The following FGF13 variants were observed in gnomAD, a reference collection of about 807,000 sequenced individuals.
The protein encoded by FGF13 is fibroblast growth factor 13, also known as fibroblast growth factor homologous factor 2.
A neutral mutation model predicts 19.5 loss-of-function variants in FGF13; 2 were observed. The ratio of observed to expected loss-of-function variants is 0.10; its 90% CI spans 0.04 to 0.32. The LOEUF is 0.32. FGF13 is among the 10% of genes least tolerant of loss of function. The pLI, the probability that FGF13 is intolerant of heterozygous loss-of-function variation, is 1.00. For missense variants in FGF13, 113 were observed against 192.7 expected (o/e 0.59, Z 2.45); for synonymous variants, 72 against 76.9 (o/e 0.94, Z 0.33).
intron 1 of FGF13, among the ~76,000 whole-genome samples, chrX:139,163,235 C>T (rs949337395): frequency 9.0e-6 from 1 of 111,508 alleles, no homozygotes; most frequent in Admixed American, 9.5e-5. Flanking sequence ...AGTTTATGTC[C>T]TTTGCAGGGA....
At chrX:139,172,736 A>G (rs1300565819) in intron 1 of FGF13, among the ~76,000 whole-genome samples, 1 of 111,959 alleles carries the variant, frequency 8.9e-6, no homozygotes, top group Non-Finnish European at 1.9e-5. Flanking sequence ...GTCAGAACAC[A>G]CTGGCAGATA....
rs144081117 is a variant in FGF13 at position 138,625,483 on chromosome X, T to C, written c.*7367A>G. On this transcript the variant is annotated 3_prime_UTR_variant, in exon 5 of 5. Coordinates refer to ENST00000315930, the MANE Select transcript of FGF13 (RefSeq NM_004114.5). ...TTATATATATATACATATATATATA[T>C]AATATATATATATACATATATATAT... The C allele has an allele frequency of 4.3e-3, 386 of 90,012 alleles. 13 individuals are homozygous for C. The East Asian group carries it at 0.082, about 19-fold the overall frequency. The allele number at this position is 90,012 out of a possible 1,213,427, so 7.4% of individuals were successfully genotyped here. A position where few individuals can be genotyped will look rare whatever the true frequency, so the allele number is the denominator to read the frequency against.
intron 3 of FGF13, among the ~76,000 whole-genome samples, chrX:138,811,421 A>G (rs923075512): frequency 9.1e-6 from 1 of 110,084 alleles, no homozygotes; most frequent in Non-Finnish European, 1.9e-5. Context: ...CAGGAAGGGG[A>G]ACATCACAAA....
At chrX:138,708,444 C>T (rs1009922854) in intron 2 of FGF13, among the ~76,000 whole-genome samples, 1 of 111,999 alleles carries the variant, frequency 8.9e-6, no homozygotes, top group Non-Finnish European at 1.9e-5. Flanking sequence ...GAAACCACTC[C>T]TCTCTCTTGG....
intron 1 of FGF13, among the ~76,000 whole-genome samples, chrX:139,059,545 C>T (rs2092330298): frequency 9.0e-6 from 1 of 111,705 alleles, no homozygotes; most frequent in Admixed American, 9.5e-5. Flanking sequence ...ACTTTTCCAA[C>T]AATCTCCTCA....
chrX:139,021,117 C>A (rs1367659375), intron 1 of FGF13, among the ~76,000 whole-genome samples: 1 of 110,603 alleles, frequency 9.0e-6, no homozygotes, highest in Non-Finnish European at 1.9e-5. Flanking sequence ...TCCACTAAGG[C>A]CAGCAACCAA....
chrX:139,044,572 TC>T (rs1275154740), intron 1 of FGF13, among the ~76,000 whole-genome samples: 1 of 110,944 alleles, frequency 9.0e-6, no homozygotes, highest in Non-Finnish European at 1.9e-5. Context: ...CACTGGCCCC[TC>T]CCAAACCTCA....
At chrX:138,805,858 C>T (rs968675549) in intron 3 of FGF13, among the ~76,000 whole-genome samples, 5 of 110,690 alleles carry the variant, frequency 4.5e-5, no homozygotes, top group Non-Finnish European at 9.4e-5. Context: ...CCTTTTTTCA[C>T]TCCCACTTTT....
At chrX:139,148,660 G>A (rs952525051) in intron 1 of FGF13, among the ~76,000 whole-genome samples, 1 of 101,956 alleles carries the variant, frequency 9.8e-6, no homozygotes, top group African/African-American at 3.6e-5. Context: ...AGTATCAAAA[G>A]CCTTCATGAA....
chrX:138,891,720 G>C (rs1345865229), intron 1 of FGF13, among the ~76,000 whole-genome samples: 1 of 110,793 alleles, frequency 9.0e-6, no homozygotes, highest in African/African-American at 3.3e-5. Flanking sequence ...CAGTGGGCTG[G>C]GGAAGGCAGT....
At chrX:139,055,728 T>G (rs2092319036) in intron 1 of FGF13, among the ~76,000 whole-genome samples, 1 of 112,857 alleles carries the variant, frequency 8.9e-6, no homozygotes, top group Non-Finnish European at 1.9e-5. Context: ...GCTGATTCCT[T>G]TGGGGCATTG....
At position 139,066,946 on chromosome X, in the gene FGF13, C is replaced by T. The variant is rs189100542; in HGVS notation, c.-113+136470G>A. On this transcript the variant is annotated intron_variant, in intron 1 of 2. Transcript: ENST00000421460. ...AGCTTATCCATCACGATCAAGTCGG[C>T]TTCATCCCTCGGATGCAAGGCTGGT... 6.3e-5 allele frequency among the ~76,000 whole-genome samples: 7 copies of T among 111,736 alleles called. No individual in the cohort carries two copies. The East Asian group carries it at 2.0e-3, about 32-fold the overall frequency.
At chrX:139,085,601 T>C (rs2083398709) in intron 1 of FGF13, among the ~76,000 whole-genome samples, 2 of 112,051 alleles carry the variant, frequency 1.8e-5, no homozygotes, top group African/African-American at 6.5e-5. Context: ...TATTGCATCA[T>C]TATCATCATG....
chrX:138,822,778 A>G (rs2091007535), intron 3 of FGF13, among the ~76,000 whole-genome samples: 1 of 112,684 alleles, frequency 8.9e-6, no homozygotes, highest in Non-Finnish European at 1.9e-5. Flanking sequence ...CCTGGCAGGC[A>G]GTGTCATGGT....
intron 1 of FGF13, among the ~76,000 whole-genome samples, chrX:138,902,627 A>T (rs519936): frequency 9.1e-6 from 1 of 110,345 alleles, no homozygotes; most frequent in East Asian, 2.8e-4. Context: ...CAACAAGTAG[A>T]AAGGATAAAA....
At chrX:138,827,916 C>T (rs1005023979) in intron 3 of FGF13, among the ~76,000 whole-genome samples, 1 of 111,955 alleles carries the variant, frequency 8.9e-6, no homozygotes, top group Non-Finnish European at 1.9e-5. Context: ...TTGTTTTCCT[C>T]CAATCACACA....
At chrX:139,042,510 A>G (rs2092273295) in intron 1 of FGF13, among the ~76,000 whole-genome samples, 1 of 112,186 alleles carries the variant, frequency 8.9e-6, no homozygotes, top group Non-Finnish European at 1.9e-5. Context: ...GTAAATCGAA[A>G]CTGACAAATA....
At chrX:138,819,484 A>G (rs1373309513) in intron 3 of FGF13, among the ~76,000 whole-genome samples, 1 of 111,618 alleles carries the variant, frequency 9.0e-6, no homozygotes, top group East Asian at 2.8e-4. Flanking sequence ...TTGCTTTCAT[A>G]TCATAAAGCC....
intron 1 of FGF13, among the ~76,000 whole-genome samples, chrX:139,028,650 TGAGA>T (rs148362246): frequency 7.4e-4 from 50 of 67,825 alleles, no homozygotes; most frequent in East Asian, 7.2e-3. Flanking sequence ...TGTGTGTGTG[TGAGA>T]GAGAGAGAGA....
Sources: allele counts gnomAD v4.1 joint callset (sites outside exome capture counted in the v4.1 genomes callset), GRCh38; gene constraint gnomAD v4.1.1; transcripts MANE v1.5; gene names NCBI Gene and HGNC (gene_info 2026-07-23, HGNC 2026-07-21).